Variants in FAM120B observed in about 807,000 individuals in gnomAD.
FAM120B encodes family with sequence similarity 120 member B, also known as constitutive coactivator of peroxisome proliferator-activated receptor gamma.
A neutral mutation model predicts 96.3 loss-of-function variants in FAM120B; 83 were observed. That is an observed-to-expected ratio of 0.86 (90% confidence interval 0.72 to 1.03). The LOEUF (loss-of-function observed/expected upper bound fraction) is 1.03, where lower values mean the gene tolerates loss of function less well. Among genes scored for constraint, FAM120B ranks in the 50% least tolerant of loss-of-function variants. The probability of loss-of-function intolerance (pLI) is 0.00; values close to 1 mark genes in which losing one functional copy is unlikely to be tolerated. For synonymous variants in FAM120B, 407 were observed against 402.7 expected (o/e 1.01, Z -0.13); for missense variants, 1,027 against 1,121.2 (o/e 0.92, Z 1.20).
Position 170,388,310 on chromosome 6 carries a change from C to T in FAM120B, c.2307C>T (p.Ala769=), listed in dbSNP as rs747035229. 13 of 1,613,864 alleles carry T rather than the reference C, an allele frequency of 8.1e-6. No homozygotes were observed. In the Middle Eastern group the frequency reaches 5.1e-4, roughly 63 times the overall value. The change falls in exon 7 of 11, where the codon GCC becomes GCT. Residue 769 remains alanine (A), a synonymous_variant. Transcript: ENST00000476287. ...AGCCTGATTACATCAACCCCAGAGC[C>T]GTGCAGCTGGGCTCCCTTCTCGTCC... ...NLQPDYINPR[A]VQLGSLLVRG...
chr6:170,330,581 A>C (rs1421543816), intron 4 of FAM120B, 31 bp downstream of exon 4: 2 of 1,484,186 alleles, frequency 1.3e-6, no homozygotes, highest in Non-Finnish European at 1.9e-6. Context: ...AATGAACCAC[A>C]GATCTTTCCA....
At chr6:170,290,944 C>A, upstream of FAM120B, 4 of 699,822 alleles carry the variant, frequency 5.7e-6, no homozygotes, top group Non-Finnish European at 1.0e-5. The surrounding 1 kb of genome is among the most constrained non-coding windows in gnomAD (Gnocchi z 4.7). Context: ...TCGCCGGCGC[C>A]TGCCGCCCTT....
At chr6:170,309,134 TTG>T (rs1562511789) in intron 1 of FAM120B, among the ~76,000 whole-genome samples, 1 of 152,248 alleles carries the variant, frequency 6.6e-6, no homozygotes, top group Non-Finnish European at 1.5e-5. Flanking sequence ...CAGGAATTTA[TTG>T]TGACTTTTGA....
chr6:170,367,858 C>T (rs1209225438), intron 6 of FAM120B, among the ~76,000 whole-genome samples: 1 of 152,152 alleles, frequency 6.6e-6, no homozygotes, highest in African/African-American at 2.4e-5. Flanking sequence ...ACTCTTGGTT[C>T]CACTTCCACC....
chr6:170,397,514 C>T (rs1333504870), intron 9 of FAM120B, among the ~76,000 whole-genome samples: 4 of 152,100 alleles, frequency 2.6e-5, no homozygotes, highest in Non-Finnish European at 4.4e-5. Context: ...CTGGAGTCCA[C>T]CCCGACCGAG....
chr6:170,317,858 G>A lies in FAM120B; in HGVS notation c.468G>A (p.Leu156=), dbSNP rs1562519656. The change falls in exon 2 of 11, where the codon TTG becomes TTA. Residue 156 remains leucine (L), a synonymous_variant. Transcript: ENST00000476287. ...TGGGCCAGGAAACTTTGTGTTCTTT[G>A]CAGGAAGCAGATTATGAGGTAGCTT... ...KTLGQETLCS[L]QEADYEVASY... 3 of 1,614,210 alleles carry A rather than the reference G, an allele frequency of 1.9e-6. No homozygotes were observed. The East Asian group carries it at 6.7e-5, about 36-fold the overall frequency.
At chr6:170,400,972 C>T (rs1000953826) in intron 9 of FAM120B, among the ~76,000 whole-genome samples, 1 of 152,210 alleles carries the variant, frequency 6.6e-6, no homozygotes, top group Non-Finnish European at 1.5e-5. Context: ...CATCTTTAAA[C>T]TAGACCAAAA....
At chr6:170,364,989 C>T (rs900829703) in intron 6 of FAM120B, among the ~76,000 whole-genome samples, 1 of 152,184 alleles carries the variant, frequency 6.6e-6, no homozygotes, top group South Asian at 2.1e-4. Context: ...GGTTGAAAAG[C>T]AAAGCTAGGG....
chr6:170,368,274 A>G (rs951388121), intron 6 of FAM120B, among the ~76,000 whole-genome samples: 2 of 152,196 alleles, frequency 1.3e-5, no homozygotes, highest in African/African-American at 2.4e-5. Context: ...GAGTTCCACC[A>G]TGCACTCCCT....
upstream of FAM120B, among the ~76,000 whole-genome samples, chr6:170,303,765 T>C (rs1457937138): frequency 1.3e-5 from 2 of 152,236 alleles, no homozygotes; most frequent in African/African-American, 4.8e-5. Context: ...AGCAATTATC[T>C]TGTTATAATT....
At chr6:170,299,864 C>T (rs1036545336) in intron 1 of FAM120B, among the ~76,000 whole-genome samples, 1 of 152,254 alleles carries the variant, frequency 6.6e-6, no homozygotes, top group African/African-American at 2.4e-5. Flanking sequence ...CATCCATGCC[C>T]TGTCAGTCAC....
At chr6:170,324,107 CATT>C (rs1583200533) in intron 3 of FAM120B, among the ~76,000 whole-genome samples, 1 of 152,188 alleles carries the variant, frequency 6.6e-6, no homozygotes, top group South Asian at 2.1e-4. Context: ...GCCTAAACAT[CATT>C]ATTTCCAGAC....
chr6:170,395,002 G>T (rs185314187), intron 8 of FAM120B, among the ~76,000 whole-genome samples: 1 of 152,374 alleles, frequency 6.6e-6, no homozygotes, highest in Non-Finnish European at 1.5e-5. Flanking sequence ...TTCTAGTAGA[G>T]ACAAACAGGA....
intron 8 of FAM120B, 177 bp downstream of exon 8, chr6:170,391,298 G>A (rs1215247480): frequency 1.8e-6 from 1 of 552,350 alleles, no homozygotes; most frequent in Middle Eastern, 3.2e-4. Flanking sequence ...ACTTTGGGAG[G>A]CCGAGGCAGG....
At chr6:170,361,220 ATATATATATATATATACACG>A (rs1213832194) in intron 6 of FAM120B, among the ~76,000 whole-genome samples, 2 of 110,022 alleles carry the variant, frequency 1.8e-5, no homozygotes, top group South Asian at 3.1e-4. Context: ...ATATATATAT[ATATATATATATATATACACG>A]TATATATATA....
chr6:170,398,350 T>C (rs1778318621), intron 9 of FAM120B, among the ~76,000 whole-genome samples: 1 of 152,118 alleles, frequency 6.6e-6, no homozygotes, highest in Non-Finnish European at 1.5e-5. Context: ...CTCTTAGGAG[T>C]GAGTGGGAAA....
chr6:170,402,540 G>A (rs1394002927), intron 9 of FAM120B, among the ~76,000 whole-genome samples: 4 of 152,352 alleles, frequency 2.6e-5, no homozygotes, highest in East Asian at 1.9e-4. Context: ...TGAAGCACGC[G>A]TGACCAGGAG....
At chr6:170,349,754 C>G (rs1241962741) in intron 5 of FAM120B, among the ~76,000 whole-genome samples, 1 of 152,162 alleles carries the variant, frequency 6.6e-6, no homozygotes, top group Non-Finnish European at 1.5e-5. Flanking sequence ...CGGTCCGTGG[C>G]ACTCACAGAG....
chr6:170,404,623 C>A, intron 10 of FAM120B, 22 bp downstream of exon 10: 1 of 1,572,050 alleles, frequency 6.4e-7, no homozygotes, highest in Non-Finnish European at 8.8e-7. Flanking sequence ...ACCTGCATCT[C>A]CAGAAGAAAT....
Sources: allele counts gnomAD v4.1 joint callset (sites outside exome capture counted in the v4.1 genomes callset), GRCh38; gene constraint gnomAD v4.1.1; non-coding constraint Gnocchi (gnomAD v3.1); transcripts MANE v1.5; gene names NCBI Gene and HGNC (gene_info 2026-07-23, HGNC 2026-07-21).